The following ARSH variants were observed in gnomAD, a reference collection of about 807,000 sequenced individuals.
The protein encoded by ARSH is arylsulfatase family member H.
Under a neutral mutation model 28.7 loss-of-function variants are expected in ARSH, and 32 were observed. That is an observed-to-expected ratio of 1.11 (90% CI 0.84 to 1.50). The LOEUF (loss-of-function observed/expected upper bound fraction) is 1.50. Among genes scored for constraint, ARSH ranks in the 40% most tolerant of loss-of-function variants. ARSH has a pLI of 0.00. For synonymous variants in ARSH, 176 were observed against 177.3 expected (o/e 0.99, Z 0.06); for missense variants, 440 against 452.4 (o/e 0.97, Z 0.25).
At chrX:3,015,464 C>T (rs2089863655) in intron 4 of ARSH, 71 bp downstream of exon 4, 4 of 1,022,326 alleles carry the variant, frequency 3.9e-6, no homozygotes, top group Non-Finnish European at 5.3e-6. Context: ...GTCATCACAC[C>T]TTGATAACAT....
intron 7 of ARSH, 124 bp from the exon 8 acceptor site, chrX:3,029,123 G>T: frequency 1.0e-5 from 7 of 682,500 alleles, no homozygotes; most frequent in East Asian, 3.7e-5. Context: ...TTTATCTTTC[G>T]CCTCCTTCTC....
At position 3,029,336 on chromosome X, in the gene ARSH, A is replaced by T. The variant is rs749626444; in HGVS notation, c.1289A>T (p.Tyr430Phe). 5 of 1,210,729 alleles carry T rather than the reference A, an allele frequency of 4.1e-6. No homozygotes were observed. The highest frequency in any genetic ancestry group is 4.4e-5 in the Admixed American group (2 of 45,934). ...TTCCTCTTCCACTACTGTGGGGTCTATCTGCACACGGTCAGGTGGCATCAG... is the reference window on the plus strand; with the variant it reads ...TTCCTCTTCCACTACTGTGGGGTCTTTCTGCACACGGTCAGGTGGCATCAG... ...HEFLFHYCGV[Y>F]LHTVRWHQKD... The change falls in exon 8 of 9, where the codon TAT becomes TTT. Residue 430 changes from tyrosine (Y) to phenylalanine (F), a missense_variant. Physicochemically the swap from Tyr to Phe is conservative, Grantham distance 22. Coordinates refer to ENST00000381130, the MANE Select transcript of ARSH (RefSeq NM_001011719.2).
At position 3,033,407 on chromosome X, in the gene ARSH, C is replaced by T; in HGVS notation, c.*22C>T. The T allele has an allele frequency of 8.5e-7, 1 of 1,175,367 alleles. No homozygotes were observed. The highest frequency in any genetic ancestry group is 1.1e-6 in the Non-Finnish European group (1 of 876,226). ...CTGAGACCATGCGGACCACGTGTTA[C>T]CCACCACAAACTTACTGTTACAATG... On this transcript the variant is annotated 3_prime_UTR_variant, in exon 9 of 9. Transcript: ENST00000381130.
At chrX:3,024,575 C>T (rs927660384) in intron 6 of ARSH, among the ~76,000 whole-genome samples, 1 of 111,027 alleles carries the variant, frequency 9.0e-6, no homozygotes, top group Non-Finnish European at 1.9e-5. Context: ...GCCCAGTGTC[C>T]CCTGGGGACA....
intron 1 of ARSH, among the ~76,000 whole-genome samples, chrX:3,008,507 T>TTC (rs1216756966): frequency 9.7e-5 from 10 of 102,929 alleles, no homozygotes; most frequent in Admixed American, 5.5e-4. Context: ...CTTTCTTTCT[T>TTC]TCTTTCTTCC....
At chrX:3,019,082 T>A (rs759139221) in intron 5 of ARSH, among the ~76,000 whole-genome samples, 3 of 110,161 alleles carry the variant, frequency 2.7e-5, no homozygotes, top group South Asian at 7.8e-4. Context: ...CTGGCCAACA[T>A]GGTGAAACCC....
intron 3 of ARSH, among the ~76,000 whole-genome samples, chrX:3,013,742 A>C (rs2089858045): frequency 9.0e-6 from 1 of 110,794 alleles, no homozygotes; most frequent in African/African-American, 3.3e-5. Context: ...TGTACGGTCC[A>C]CTATTTTTGA....
chrX:3,007,336 C>A (rs867416756), intron 1 of ARSH, among the ~76,000 whole-genome samples: 1 of 111,058 alleles, frequency 9.0e-6, no homozygotes, highest in Non-Finnish European at 1.9e-5. Flanking sequence ...ACAACCGTCA[C>A]CCCCACAAAG....
intron 8 of ARSH, among the ~76,000 whole-genome samples, chrX:3,029,751 G>A (rs1041707650): frequency 3.0e-4 from 33 of 110,633 alleles, no homozygotes; most frequent in African/African-American, 3.9e-4. Flanking sequence ...GGCTGGTCTC[G>A]AACTCCTGAC....
At chrX:3,027,956 A>G (rs746634886) in intron 7 of ARSH, among the ~76,000 whole-genome samples, 66 of 109,638 alleles carry the variant, frequency 6.0e-4, no homozygotes, top group African/African-American at 2.1e-3. Flanking sequence ...TACAAAAATC[A>G]GTCTGGTGTG....
rs760998757 is a variant in ARSH at position 3,024,028 on chromosome X, C to A, written c.909C>A (p.Ile303=). ...GTCTCTGACCCTCTCCAGGTAAAATCCTGGATGCCCTGGACCAGGAGCGCC... is the reference window on the plus strand; with the variant it reads ...GTCTCTGACCCTCTCCAGGTAAAATACTGGATGCCCTGGACCAGGAGCGCC... ...VEEMDWMVGK[I]LDALDQERLA... is the part of the protein sequence containing the mutation. Residue 303 remains isoleucine (I), a synonymous_variant, in exon 6 of 9, where the codon ATC becomes ATA. Transcript: ENST00000381130. 5 of 1,207,178 alleles carry A rather than the reference C, an allele frequency of 4.1e-6. No individual in the cohort carries two copies. In the African/African-American group the frequency reaches 8.8e-5, roughly 21 times the overall value.
intron 3 of ARSH, among the ~76,000 whole-genome samples, chrX:3,014,208 A>G (rs147176291): frequency 0.013 from 1,426 of 111,893 alleles, 21 homozygotes; most frequent in African/African-American, 0.043. Context: ...TCGAGGCTAC[A>G]GTGAGCTATA....
chrX:3,006,718 C>G lies in ARSH; in HGVS notation c.92+14C>G, dbSNP rs759512446. On this transcript the variant is annotated intron_variant, in intron 1 of 8. Transcript: ENST00000381130. Reference sequence around the variant, plus strand: ...TAACTCAGTGAGGTAAAGATGGACTCTGACCCCCTCCCTGTATGTGGGAGT... The same window carrying G: ...TAACTCAGTGAGGTAAAGATGGACTGTGACCCCCTCCCTGTATGTGGGAGT... 2.6e-6 allele frequency: 3 copies of G among 1,171,099 alleles called. No individual in the cohort carries two copies. The highest frequency in any genetic ancestry group is 4.4e-5 in the Admixed American group (2 of 45,344).
At chrX:3,032,619 G>T (rs1232766651) in intron 8 of ARSH, among the ~76,000 whole-genome samples, 2 of 110,611 alleles carry the variant, frequency 1.8e-5, no homozygotes, top group Non-Finnish European at 3.8e-5. Context: ...GAAGAGGGAG[G>T]GAGAAAAGGA....
intron 1 of ARSH, among the ~76,000 whole-genome samples, chrX:3,007,568 G>T (rs2089831571): frequency 8.9e-6 from 1 of 111,739 alleles, no homozygotes; most frequent in African/African-American, 3.3e-5. Flanking sequence ...CAAAGTGTGG[G>T]CAGGGCTGGT....
chrX:3,013,153 C>G lies in ARSH; in HGVS notation c.321C>G (p.Gly107=). ...TTGCCAAGCTGCTGCAGCACCGTGGCTACCGCACGGGACTCATAGGTATGG... is the reference window on the plus strand; with the variant it reads ...TTGCCAAGCTGCTGCAGCACCGTGGGTACCGCACGGGACTCATAGGTATGG... ...TTFAKLLQHR[G]YRTGLIGKWH... Residue 107 remains glycine, a synonymous_variant, in exon 3 of 9, where the codon GGC becomes GGG. Transcript: ENST00000381130. 1 of 1,209,837 alleles carries G rather than the reference C, an allele frequency of 8.3e-7. No individual in the cohort carries two copies. Among genetic ancestry groups the G allele is most frequent in the Non-Finnish European group, 1.1e-6 (1 of 894,690 alleles).
At chrX:3,024,288 G>GAAA in intron 6 of ARSH, 133 bp downstream of exon 6, 5 of 536,802 alleles carry the variant, frequency 9.3e-6, no homozygotes, top group African/African-American at 2.7e-5. Context: ...AAGCTAGACC[G>GAAA]AAAAAAAAAA....
intron 5 of ARSH, among the ~76,000 whole-genome samples, chrX:3,022,266 A>G (rs2147458421): frequency 8.9e-6 from 1 of 111,825 alleles, no homozygotes; most frequent in East Asian, 2.8e-4. Context: ...TGATTTTTTT[A>G]TACTATAGCC....
At chrX:3,021,523 T>C (rs1271909702) in intron 5 of ARSH, among the ~76,000 whole-genome samples, 1 of 111,377 alleles carries the variant, frequency 9.0e-6, no homozygotes, top group African/African-American at 3.3e-5. Flanking sequence ...TTTAACAATA[T>C]GAGTATAAAA....
Sources: gnomAD v4.1 joint callset for allele counts (sites outside exome capture counted in the v4.1 genomes callset) on GRCh38, gnomAD v4.1.1 for gene constraint, MANE v1.5 for transcripts, NCBI Gene and HGNC (gene_info 2026-07-23, HGNC 2026-07-21) for gene names.